Variants in RYR1 observed in about 807,000 individuals in gnomAD.
The protein encoded by RYR1 is ryanodine receptor 1.
In RYR1, 342 loss-of-function variants were observed where a neutral mutation model predicts 583.5. The observed-to-expected ratio is 0.59, with a 90% CI of 0.54 to 0.64. The LOEUF (loss-of-function observed/expected upper bound fraction) is 0.64. Among genes scored for constraint, RYR1 ranks in the 30% least tolerant of loss-of-function variants. The pLI, the probability that RYR1 is intolerant of heterozygous loss-of-function variation, is 0.00. For synonymous variants in RYR1, 2,791 were observed against 2,822.5 expected (o/e 0.99, Z 0.35); for missense variants, 6,032 against 6,917.2 (o/e 0.87, Z 4.54).
At chr19:38,548,599 G>A (rs185851201) in intron 89 of RYR1, among the ~76,000 whole-genome samples, 179 bp downstream of exon 89, 59 of 152,288 alleles carry the variant, frequency 3.9e-4, no homozygotes, top group Non-Finnish European at 6.8e-4. Flanking sequence ...TCATTTTAGA[G>A]ACAAGGTCTT....
At chr19:38,450,006 T>G (rs1367268072) in intron 11 of RYR1, among the ~76,000 whole-genome samples, 2 of 152,050 alleles carry the variant, frequency 1.3e-5, no homozygotes, top group African/African-American at 4.8e-5. Flanking sequence ...GAGATTAAAG[T>G]GAAGTGTGAG....
intron 20 of RYR1, among the ~76,000 whole-genome samples, chr19:38,461,439 C>A (rs1967737518): frequency 6.6e-6 from 1 of 151,944 alleles, no homozygotes; most frequent in Non-Finnish European, 1.5e-5. Context: ...GGAGTCCTCA[C>A]CACTGCCCCA....
In RYR1 at chr19:38,475,299, CCT is replaced by C; in HGVS notation, c.4161-15_4161-14del. On this transcript the variant is annotated splice_polypyrimidine_tract_variant and intron_variant, in intron 28 of 105. Coordinates refer to ENST00000359596, the MANE Select transcript of RYR1 (RefSeq NM_000540.3). ...GGCTTGAAAGCTGGCTCTCATGGCG[CCT>C]CTCCTCCCACTACCAGCTTCTTATT... The C allele has an allele frequency of 6.4e-7, 1 of 1,556,560 alleles. No homozygotes were observed. The highest frequency in any genetic ancestry group is 1.9e-4 in the Middle Eastern group (1 of 5,372).
chr19:38,572,475 A>G (rs946415256), intron 95 of RYR1, among the ~76,000 whole-genome samples: 4 of 152,198 alleles, frequency 2.6e-5, no homozygotes, highest in African/African-American at 9.6e-5. Context: ...CGACATTCAG[A>G]TTGGGAACGG....
intron 16 of RYR1, among the ~76,000 whole-genome samples, chr19:38,456,878 C>G (rs374434819): frequency 1.1e-4 from 16 of 151,254 alleles, no homozygotes; most frequent in African/African-American, 3.9e-4. Context: ...AACCCTGTCT[C>G]TACTAAAAAT....
intron 89 of RYR1, among the ~76,000 whole-genome samples, 153 bp downstream of exon 89, chr19:38,548,573 T>C (rs940180357): frequency 1.3e-5 from 2 of 152,076 alleles, no homozygotes; most frequent in African/African-American, 4.8e-5. Flanking sequence ...TTGGGTTATA[T>C]GTATTCTGTT....
chr19:38,578,467 T>A (rs922600621), intron 99 of RYR1, among the ~76,000 whole-genome samples: 1 of 152,206 alleles, frequency 6.6e-6, no homozygotes, highest in Non-Finnish European at 1.5e-5. Context: ...CCAAGGCTGG[T>A]GGATCACTGG....
intron 105 of RYR1, among the ~76,000 whole-genome samples, chr19:38,586,877 G>A (rs1974515330): frequency 6.6e-6 from 1 of 152,076 alleles, no homozygotes; most frequent in Non-Finnish European, 1.5e-5. Flanking sequence ...AAGCTGAGGT[G>A]GGAGAATCGC....
intron 31 of RYR1, among the ~76,000 whole-genome samples, chr19:38,482,430 C>A (rs1211531808): frequency 6.6e-6 from 1 of 151,984 alleles, no homozygotes; most frequent in Non-Finnish European, 1.5e-5. Flanking sequence ...GGGAGAGGGG[C>A]AAGACAGTCT....
rs554951904 is a variant in RYR1, at chr19:38,486,006, C to A, written c.5351C>A (p.Ala1784Asp). 3 of 1,613,520 alleles carry A rather than the reference C, an allele frequency of 1.9e-6. No homozygotes were observed. The African/African-American group carries it at 4.0e-5, about 22-fold the overall frequency. The change falls in exon 34 of 106, where the codon GCC (alanine) becomes GAC (aspartate). Residue 1784 changes from alanine to aspartate, a missense_variant. By Grantham distance (126) the Ala-to-Asp change is moderately radical (BLOSUM62 -2). Coordinates refer to ENST00000359596, the MANE Select transcript of RYR1 (RefSeq NM_000540.3). Reference protein sequence around the residue: ...PHHFSPPCFVAALPAAGAAEA... With the variant: ...PHHFSPPCFVDALPAAGAAEA... ...CATTTCTCGCCCCCCTGTTTCGTGG[C>A]CGCTCTGCCAGCTGCTGGGGCAGCA...
Position 38,580,060 on chromosome 19 carries a change from C to T in RYR1, c.14443C>T (p.Leu4815=). Reference sequence around the variant, plus strand: ...CAACTTCTTCTTTGCTGCCCATCTCCTGGACATCGCCATGGGGGTCAAGAC... The same window carrying T: ...CAACTTCTTCTTTGCTGCCCATCTCTTGGACATCGCCATGGGGGTCAAGAC... ...YNNFFFAAHL[L]DIAMGVKTLR... is the part of the protein sequence containing the mutation. The change falls in exon 100 of 106, where the codon CTG becomes TTG. Residue 4815 remains leucine (L), a synonymous_variant. Transcript: ENST00000359596. 2 of 1,614,204 alleles carry T rather than the reference C, an allele frequency of 1.2e-6. No homozygotes were observed. The highest frequency in any genetic ancestry group is 2.7e-5 in the African/African-American group (2 of 75,058).
intron 84 of RYR1, 22 bp downstream of exon 84, chr19:38,537,982 T>TGGGGGGG: frequency 1.6e-6 from 2 of 1,262,884 alleles, no homozygotes; most frequent in Non-Finnish European, 2.3e-6. Context: ...GGGTGTGGGG[T>TGGGGGGG]GGAGGGGAAG....
At chr19:38,489,579 C>T in intron 35 of RYR1, 136 bp downstream of exon 35, 4 of 902,218 alleles carry the variant, frequency 4.4e-6, no homozygotes, top group Non-Finnish European at 7.3e-6. Context: ...GCAATGCCAA[C>T]TTGGAAAGAT....
At chr19:38,462,904 T>C (rs1967839424) in intron 20 of RYR1, among the ~76,000 whole-genome samples, 1 of 143,242 alleles carries the variant, frequency 7.0e-6, no homozygotes, top group South Asian at 2.3e-4. Flanking sequence ...TTTTTTTTTT[T>C]TTTTTTTTTG....
At position 38,536,060 on chromosome 19, in the gene RYR1, G is replaced by A. The variant is rs778049406; in HGVS notation, c.11580G>A (p.Glu3860=). 5 of 1,612,974 alleles carry A rather than the reference G, an allele frequency of 3.1e-6. No homozygotes were observed. The South Asian group carries it at 4.4e-5, about 14-fold the overall frequency. Residue 3860 remains glutamate, a synonymous_variant, in exon 82 of 106, where the codon GAG becomes GAA. Coordinates refer to ENST00000359596, the MANE Select transcript of RYR1 (RefSeq NM_000540.3). ...CCGAGGGGCTGGGCATGGTGAATGA[G>A]GATGGCACTGGTGAGGCCCTCCCTT... ...NKAEGLGMVN[E]DGTVINRQNG... is the part of the protein sequence containing the mutation.
chr19:38,453,436 T>C (rs1406470768), intron 13 of RYR1, among the ~76,000 whole-genome samples: 1 of 145,378 alleles, frequency 6.9e-6, no homozygotes, highest in Non-Finnish European at 1.5e-5. Context: ...GCGGGGTCTG[T>C]GGGGTGGGCG....
intron 76 of RYR1, among the ~76,000 whole-genome samples, chr19:38,532,119 GCT>G (rs1971763941): frequency 6.8e-6 from 1 of 146,256 alleles, no homozygotes; most frequent in Admixed American, 6.8e-5. Context: ...AAAACCAGAA[GCT>G]CTTTTTTTTT....
chr19:38,536,795 G>A (rs1348067585), intron 83 of RYR1, 28 bp downstream of exon 83: 2 of 1,612,992 alleles, frequency 1.2e-6, no homozygotes, highest in Non-Finnish European at 1.7e-6. Flanking sequence ...CCCCCGTGCT[G>A]TGCTGCTGTC....
At position 38,476,292 on chromosome 19, in the gene RYR1, G is replaced by A. The variant is rs535273879; in HGVS notation, c.4293+842G>A. Among the ~76,000 whole-genome samples, 5 of 152,136 alleles carry A rather than the reference G, an allele frequency of 3.3e-5. No individual in the cohort carries two copies. In the East Asian group the frequency reaches 5.8e-4, roughly 18 times the overall value. ...CGGCTCACTGCAACCTCTGCCTCCC[G>A]GGTTCAAGTGATTCTTCTGCCTCAG... On this transcript the variant is annotated intron_variant, in intron 29 of 105. Transcript: ENST00000359596.
Sources: gnomAD v4.1 joint callset for allele counts (sites outside exome capture counted in the v4.1 genomes callset) on GRCh38, gnomAD v4.1.1 for gene constraint, MANE v1.5 for transcripts, NCBI Gene and HGNC (gene_info 2026-07-23, HGNC 2026-07-21) for gene names.